Variants in OTOG observed in about 807,000 individuals in gnomAD.
The protein encoded by OTOG is otogelin.
OTOG carries 296 observed loss-of-function variants against 313.8 expected under a neutral mutation model. The observed-to-expected ratio is 0.94, with a 90% CI of 0.86 to 1.04. The LOEUF (loss-of-function observed/expected upper bound fraction) is 1.04, where lower values mean the gene tolerates loss of function less well. Ranked by LOEUF, OTOG falls within the 50% of genes least tolerant of loss-of-function variation. The probability of loss-of-function intolerance (pLI) is 0.00; values close to 1 mark genes in which losing one functional copy is unlikely to be tolerated. For synonymous variants in OTOG, 1,533 were observed against 1,554.9 expected, an observed-to-expected ratio of 0.99 and a Z score of 0.33; for missense variants, 3,948 against 3,840.1, an observed-to-expected ratio of 1.03 and a Z score of -0.74.
intron 16 of OTOG, 67 bp downstream of exon 16, chr11:17,569,355 C>A: frequency 6.5e-7 from 1 of 1,537,730 alleles, no homozygotes; most frequent in Admixed American, 2.0e-5. Context: ...TCCCAGGATC[C>A]TCTGGCTAAA....
Position 17,634,151 on chromosome 11 carries a change from C to T in OTOG, c.7350C>T (p.Cys2450=). 1 of 1,549,870 alleles carries T rather than the reference C, an allele frequency of 6.5e-7. No homozygotes were observed. ...TCAGCGGCTGCTGCCAGCACCAGTG[C>T]CAAGCCCCAGACACCATTGTCCCGG... The part of the protein sequence containing the change: ...SSLSGCCQHQ[C]QAPDTIVPVD... The change falls in exon 44 of 56, where the codon TGC becomes TGT. Residue 2450 remains cysteine, a synonymous_variant. Transcript: ENST00000399397.
chr11:17,611,492 T>A, intron 36 of OTOG, 69 bp downstream of exon 36: 1 of 1,393,900 alleles, frequency 7.2e-7, no homozygotes, highest in Admixed American at 2.7e-5. Context: ...TCTTCCCTGC[T>A]AGATGGAGTT....
Position 17,612,181 on chromosome 11 carries a change from G to T in OTOG, c.6143G>T (p.Cys2048Phe). 2.6e-6 allele frequency: 4 copies of T among 1,549,558 alleles called. No homozygotes were observed. Among genetic ancestry groups the T allele is most frequent in the Non-Finnish European group, 3.5e-6 (4 of 1,146,974 alleles). The change falls in exon 37 of 56, where the codon TGC (cysteine) becomes TTC (phenylalanine). Residue 2048 changes from cysteine to phenylalanine, a missense_variant. Cys to Phe is a radical substitution (Grantham distance 205). Transcript: ENST00000399397. ...ACCCAGCCAATCGCCGAGCAGGACT[G>T]CGTCCGCCACATCTGCCTGGAGGGC... is the stretch of plus-strand genomic sequence containing the variant. ...TTCVPIAEQDCVRHICLEGQL... is the reference protein window; with the variant it reads ...TTCVPIAEQDFVRHICLEGQL...
intron 34 of OTOG, 107 bp from the exon 35 acceptor site, chr11:17,609,023 A>G (rs1413724610): frequency 2.4e-6 from 2 of 833,846 alleles, no homozygotes; most frequent in Non-Finnish European, 3.9e-6. Context: ...ACATGTGTGC[A>G]CGCACATGTG....
At chr11:17,576,514 T>C in intron 20 of OTOG, 42 bp from the exon 21 acceptor site, 1 of 1,496,904 alleles carries the variant, frequency 6.7e-7, no homozygotes, top group Non-Finnish European at 9.1e-7. Flanking sequence ...CTGCCCTAGC[T>C]CCTGAGCCTG....
At chr11:17,594,343 C>G (rs1853036227) in intron 28 of OTOG, among the ~76,000 whole-genome samples, 177 bp downstream of exon 28, 1 of 152,212 alleles carries the variant, frequency 6.6e-6, no homozygotes. Context: ...AAAGATCATG[C>G]ATAGTCTTGT....
At chr11:17,583,967 T>C (rs1852734169) in intron 23 of OTOG, among the ~76,000 whole-genome samples, 1 of 152,228 alleles carries the variant, frequency 6.6e-6, no homozygotes, top group Non-Finnish European at 1.5e-5. Context: ...TCTTATTTAT[T>C]GGTCTTCATT....
Position 17,610,458 on chromosome 11 carries a change from G to C in OTOG, c.5158G>C (p.Val1720Leu), listed in dbSNP as rs901736150. The change falls in exon 36 of 56, where the codon GTG becomes CTG. Residue 1720 changes from valine (V) to leucine (L), a missense_variant. Val to Leu is a conservative substitution (Grantham distance 32). Transcript: ENST00000399397. ...CCTTGCAACCAGGAGCTTGGAGATA[G>C]TGCTATCCACAGAGAAGGGCGAAGC... ...SPLATRSLEI[V>L]LSTEKGEAGH... 2.2e-5 allele frequency: 34 copies of C among 1,550,510 alleles called. No homozygotes were observed. The highest frequency in any genetic ancestry group is 2.8e-5 in the Non-Finnish European group (32 of 1,146,986).
chr11:17,558,742 A>G lies in OTOG; in HGVS notation c.1103+98A>G, dbSNP rs183220782. ...ACTGGGTGATCCCAGGCACTGCCAG[A>G]TCTGCTTCCCAAGGCTCTGAAATTC... On this transcript the variant is annotated intron_variant, in intron 10 of 55. Transcript: ENST00000399397. 202 of 1,231,046 alleles carry G rather than the reference A, an allele frequency of 1.6e-4. 1 individual carries two copies. In the African/African-American group the frequency reaches 2.7e-3, roughly 16 times the overall value. The allele number at this position is 1,231,046 out of a possible 1,614,324, so 76.3% of individuals were successfully genotyped here.
In OTOG at chr11:17,593,678, G is replaced by A. The variant is rs1342195087; in HGVS notation, c.3210G>A (p.Val1070=). ...GGCGAGTGGGATTTTTCACACTGGT[G>A]CATTTCCCACAGGAGCACATCACCC... is the stretch of plus-strand genomic sequence containing the variant. ...HTWRVGFFTL[V]HFPQEHITLL... is the part of the protein sequence containing the mutation. Residue 1070 remains valine, a synonymous_variant, in exon 27 of 56, where the codon GTG becomes GTA. Coordinates refer to ENST00000399397, the MANE Select transcript of OTOG (RefSeq NM_001292063.2). 3 of 1,549,118 alleles carry A rather than the reference G, an allele frequency of 1.9e-6. No homozygotes were observed. Among genetic ancestry groups the A allele is most frequent in the Non-Finnish European group, 1.7e-6 (2 of 1,146,982 alleles).
chr11:17,577,447 G>A (rs1852558069), intron 22 of OTOG, among the ~76,000 whole-genome samples: 1 of 152,142 alleles, frequency 6.6e-6, no homozygotes, highest in Admixed American at 6.5e-5. Flanking sequence ...CATTCAGGGA[G>A]GGCTTCCTGG....
intron 23 of OTOG, among the ~76,000 whole-genome samples, chr11:17,579,341 A>G (rs1852612934): frequency 6.6e-6 from 1 of 152,130 alleles, no homozygotes; most frequent in Non-Finnish European, 1.5e-5. Context: ...TGCTTCTAAG[A>G]CACTTTCATG....
intron 15 of OTOG, among the ~76,000 whole-genome samples, chr11:17,566,876 T>G (rs1470338097): frequency 6.6e-6 from 1 of 152,250 alleles, no homozygotes; most frequent in Non-Finnish European, 1.5e-5. Context: ...AGTTAGATTC[T>G]TTTGTTATCA....
Position 17,593,674 on chromosome 11 carries a change from T to A in OTOG, c.3206T>A (p.Leu1069Gln). 1.3e-6 allele frequency: 2 copies of A among 1,549,134 alleles called. No individual in the cohort carries two copies. The highest frequency in any genetic ancestry group is 1.7e-6 in the Non-Finnish European group (2 of 1,146,980). Residue 1069 changes from leucine (L) to glutamine (Q), a missense_variant, in exon 27 of 56, where the codon CTG becomes CAG. Coordinates refer to ENST00000399397, the MANE Select transcript of OTOG (RefSeq NM_001292063.2). ...VHTWRVGFFTLVHFPQEHITL... is the reference protein window; with the variant it reads ...VHTWRVGFFTQVHFPQEHITL... ...ACATGGCGAGTGGGATTTTTCACAC[T>A]GGTGCATTTCCCACAGGAGCACATC...
chr11:17,605,835 C>G (rs1236061366), intron 32 of OTOG, 22 bp from the exon 33 acceptor site: 9 of 1,518,596 alleles, frequency 5.9e-6, no homozygotes, highest in Non-Finnish European at 7.1e-6. Flanking sequence ...TGTACTGACT[C>G]TCCCCATGTG....
At chr11:17,613,065 A>C (rs1197936702) in intron 38 of OTOG, among the ~76,000 whole-genome samples, 1 of 152,168 alleles carries the variant, frequency 6.6e-6, no homozygotes, top group African/African-American at 2.4e-5. Context: ...ATGCCACTGC[A>C]ATGGTGTGGC....
chr11:17,589,665 G>A (rs1425582955), intron 24 of OTOG, among the ~76,000 whole-genome samples: 2 of 152,072 alleles, frequency 1.3e-5, no homozygotes, highest in African/African-American at 4.8e-5. Context: ...TTCTCTGCTC[G>A]CCTTTTATTG....
intron 39 of OTOG, among the ~76,000 whole-genome samples, chr11:17,623,301 TGACA>T (rs1853909146): frequency 6.6e-6 from 1 of 152,094 alleles, no homozygotes; most frequent in African/African-American, 2.4e-5. Flanking sequence ...TCCTCCCACC[TGACA>T]CCCTCCAGTA....
At chr11:17,580,862 G>A (rs1024339669) in intron 23 of OTOG, among the ~76,000 whole-genome samples, 12 of 152,340 alleles carry the variant, frequency 7.9e-5, no homozygotes, top group African/African-American at 2.9e-4. Flanking sequence ...GCTTAGAAGG[G>A]TTAAGTGGCT....
Sources: gnomAD v4.1 joint callset for allele counts (sites outside exome capture counted in the v4.1 genomes callset) on GRCh38, gnomAD v4.1.1 for gene constraint, MANE v1.5 for transcripts, NCBI Gene and HGNC (gene_info 2026-07-23, HGNC 2026-07-21) for gene names.